SMARCA4: variants seen among roughly 807,000 people sequenced by gnomAD.
SMARCA4 encodes SWI/SNF related BAF chromatin remodeling complex subunit ATPase 4, also known as SWI/SNF-related matrix-associated actin-dependent regulator of chromatin subfamily A member 4.
SMARCA4 carries 31 observed loss-of-function variants against 193.9 expected under a neutral mutation model. The observed-to-expected ratio is 0.16, with a 90% confidence interval of 0.12 to 0.22. SMARCA4 has a LOEUF of 0.22. Ranked by LOEUF, SMARCA4 falls within the 10% of genes least tolerant of loss-of-function variation. The pLI is 1.00. For missense variants in SMARCA4, 1,148 were observed against 2,296.0 expected (o/e 0.50, Z 10.22); for synonymous variants, 942 against 933.1 (o/e 1.01, Z -0.17).
chr19:11,000,973 C>T (rs1487243918), intron 11 of SMARCA4, among the ~76,000 whole-genome samples: 2 of 151,932 alleles, frequency 1.3e-5, no homozygotes, highest in Admixed American at 1.3e-4. Context: ...CCGGCACTTG[C>T]TGCTGCTTGT....
At chr19:11,001,391 C>T (rs995848343) in intron 11 of SMARCA4, among the ~76,000 whole-genome samples, 1 of 152,118 alleles carries the variant, frequency 6.6e-6, no homozygotes, top group African/African-American at 2.4e-5. Flanking sequence ...ATCACTTGAG[C>T]CCAGGGCTTT....
Position 11,000,178 on chromosome 19 carries a change from G to A in SMARCA4, c.1813-2851G>A, listed in dbSNP as rs184911033. 2.2e-3 allele frequency among the ~76,000 whole-genome samples: 334 copies of A among 150,058 alleles called. 1 individual carries two copies. Among genetic ancestry groups the A allele is most frequent in the Non-Finnish European group, 3.5e-3 (240 of 67,618 alleles). ...AGAGGTGGAGGTTGCAGTGAGCCAG[G>A]TTCATGGCCATTGCACTCCAGCCTG... On this transcript the variant is annotated intron_variant, in intron 11 of 34. Coordinates refer to ENST00000344626, the MANE Select transcript of SMARCA4 (RefSeq NM_003072.5).
At chr19:10,968,041 G>A (rs1195984996) in intron 1 of SMARCA4, among the ~76,000 whole-genome samples, 2 of 150,350 alleles carry the variant, frequency 1.3e-5, no homozygotes, top group African/African-American at 4.9e-5. Context: ...CATGCCCTGC[G>A]GGGGTTTCAC....
chr19:11,018,883 C>A, intron 16 of SMARCA4, 74 bp from the exon 17 acceptor site: 1 of 1,264,816 alleles, frequency 7.9e-7, no homozygotes, highest in Non-Finnish European at 1.2e-6. Context: ...CCCTGACAGC[C>A]AGTGGCTATG....
chr19:11,055,353 C>T (rs1487264386), intron 30 of SMARCA4, among the ~76,000 whole-genome samples: 2 of 152,142 alleles, frequency 1.3e-5, no homozygotes, highest in Admixed American at 6.6e-5. Flanking sequence ...CCACGCCTGG[C>T]TCATTTTTGT....
intron 1 of SMARCA4, among the ~76,000 whole-genome samples, chr19:10,976,821 G>C (rs973874665): frequency 2.0e-5 from 3 of 150,512 alleles, no homozygotes; most frequent in African/African-American, 7.4e-5. Context: ...TTGGGAGGCC[G>C]AGGCAGGCGG....
At chr19:10,991,436 C>G in intron 8 of SMARCA4, 113 bp downstream of exon 8, 2 of 1,493,028 alleles carry the variant, frequency 1.3e-6, no homozygotes, top group Non-Finnish European at 1.8e-6. Context: ...GCTTGTCTCT[C>G]TCTTTTGCTC....
At position 11,002,072 on chromosome 19, in the gene SMARCA4, C is replaced by T. The variant is rs539500573; in HGVS notation, c.1813-957C>T. ...GTAAAAAAGAGGGAGAAAGTGGAAA[C>T]GTCTAAGTCCTTGTTTCTTATCCAT... On this transcript the variant is annotated intron_variant, in intron 11 of 34. Transcript: ENST00000344626. 5.3e-5 allele frequency among the ~76,000 whole-genome samples: 8 copies of T among 152,180 alleles called. No individual in the cohort carries two copies. In the South Asian group the frequency reaches 1.0e-3, roughly 20 times the overall value.
chr19:11,060,109 C>T lies in SMARCA4; in HGVS notation c.4833C>T (p.Gly1611=), dbSNP rs558890921. Residue 1611 remains glycine (G), a synonymous_variant, in exon 34 of 35, where the codon GGC becomes GGT. Transcript: ENST00000344626. ...AGAAGGCACAGGACCGGCTGAAGGG[C>T]GGCCGGCGGCGGCCGAGCCGAGGGT... ...RKEKAQDRLK[G]GRRRPSRGSR... 2.1e-5 allele frequency: 33 copies of T among 1,550,866 alleles called. No individual in the cohort carries two copies. The highest frequency in any genetic ancestry group is 1.2e-4 in the East Asian group (5 of 40,930).
Position 10,985,433 on chromosome 19 carries a change from G to T in SMARCA4, c.355+28G>T, listed in dbSNP as rs1248231391. 1.2e-6 allele frequency: 2 copies of T among 1,612,422 alleles called. No homozygotes were observed. Among genetic ancestry groups the T allele is most frequent in the Non-Finnish European group, 1.7e-6 (2 of 1,179,556 alleles). On this transcript the variant is annotated intron_variant, in intron 3 of 34. Coordinates refer to ENST00000344626, the MANE Select transcript of SMARCA4 (RefSeq NM_003072.5). The surrounding 1 kb of genome is among the most constrained non-coding windows in gnomAD (Gnocchi z 4.5). ...ACAGAACTGCGTTCCTTCCTGCCTT[G>T]TGTTTGTCATACTCCAGAGTCCTCA...
At chr19:11,032,353 G>A (rs1183404016) in intron 25 of SMARCA4, 1 of 152,266 alleles carries the variant, frequency 6.6e-6, no homozygotes, top group Non-Finnish European at 1.5e-5. Flanking sequence ...TCCTCGTACT[G>A]TGCTGGGGTG....
At chr19:10,982,715 A>G (rs939672324) in intron 1 of SMARCA4, among the ~76,000 whole-genome samples, 4 of 152,102 alleles carry the variant, frequency 2.6e-5, no homozygotes, top group Admixed American at 2.6e-4. Flanking sequence ...CATGTTACCC[A>G]GGATGGTCTC....
rs376105976 is a variant in SMARCA4 at position 11,045,767 on chromosome 19, T to A, written c.4424+4207T>A. Among the ~76,000 whole-genome samples the A allele has an allele frequency of 1.1e-4, 17 of 152,274 alleles. No homozygotes were observed. The East Asian group carries it at 3.1e-3, about 28-fold the overall frequency. On this transcript the variant is annotated intron_variant, in intron 30 of 34. Coordinates refer to ENST00000344626, the MANE Select transcript of SMARCA4 (RefSeq NM_003072.5). ...AGTCAGTCTTGTAGCCTTTGTAAGA[T>A]TTGATGATAAATCATACAATAAATT...
intron 1 of SMARCA4, among the ~76,000 whole-genome samples, chr19:10,963,386 A>AG (rs1555738517): frequency 6.3e-4 from 95 of 151,422 alleles, no homozygotes; most frequent in African/African-American, 2.2e-3. Flanking sequence ...AAAAAAAAAA[A>AG]AAAAAGAAAA....
At chr19:11,060,895 C>T (rs1256183928) in intron 34 of SMARCA4, among the ~76,000 whole-genome samples, 3 of 152,170 alleles carry the variant, frequency 2.0e-5, no homozygotes. Flanking sequence ...ACGCACGTGA[C>T]GTTTGAGGAC....
chr19:11,033,149 TGCG>T lies in SMARCA4; in HGVS notation c.3547-135_3547-133del, dbSNP rs2075045100. 5.6e-6 allele frequency: 4 copies of T among 717,136 alleles called. No homozygotes were observed. In the East Asian group the frequency reaches 1.1e-4, roughly 19 times the overall value. The allele number at this position is 717,136 out of a possible 1,614,324, so 44.4% of individuals were successfully genotyped here. A position where few individuals can be genotyped will look rare whatever the true frequency, so the allele number is the denominator to read the frequency against. ...CCAGGCTCCACCAGCTCTGTTTTCA[TGCG>T]GCGGCAGGTCAGGCTGGGCAGAATT... On this transcript the variant is annotated intron_variant, in intron 25 of 34. Coordinates refer to ENST00000344626, the MANE Select transcript of SMARCA4 (RefSeq NM_003072.5). This position sits in a 1 kb window ranked among gnomAD's most constrained non-coding sequence, Gnocchi z 9.8.
Position 10,986,441 on chromosome 19 carries a change from C to A in SMARCA4, c.608C>A (p.Ala203Glu), listed in dbSNP as rs780497718. The A allele has an allele frequency of 6.4e-7, 1 of 1,567,404 alleles. No individual in the cohort carries two copies. Among genetic ancestry groups the A allele is most frequent in the Admixed American group, 1.9e-5 (1 of 52,506 alleles). The change falls in exon 4 of 35, where the codon GCG becomes GAG. Residue 203 changes from alanine (A) to glutamate (E), a missense_variant. Ala to Glu is a moderately radical substitution (Grantham distance 107). This residue lies in a region of SMARCA4 where 257 missense variants were observed against 276.5 expected (regional missense o/e 0.93). Coordinates refer to ENST00000344626, the MANE Select transcript of SMARCA4 (RefSeq NM_003072.5). This position sits in a 1 kb window ranked among gnomAD's most constrained non-coding sequence, Gnocchi z 6.7. Reference protein sequence around the residue: ...GQPLPDHLQMAVQGKRPMPGM... With the variant: ...GQPLPDHLQMEVQGKRPMPGM... Reference sequence around the variant, plus strand: ...CCCCTCCCCGACCACCTGCAGATGGCGGTGCAGGGCAAGCGGCCGATGCCC... The same window carrying A: ...CCCCTCCCCGACCACCTGCAGATGGAGGTGCAGGGCAAGCGGCCGATGCCC...
At chr19:10,976,757 A>T (rs1173320904) in intron 1 of SMARCA4, among the ~76,000 whole-genome samples, 1 of 150,292 alleles carries the variant, frequency 6.7e-6, no homozygotes, top group Non-Finnish European at 1.5e-5. Context: ...CTGTCTCAAA[A>T]AAAAAAAAAA....
At chr19:10,990,410 C>G (rs2086455568) in intron 7 of SMARCA4, among the ~76,000 whole-genome samples, 1 of 152,122 alleles carries the variant, frequency 6.6e-6, no homozygotes, top group South Asian at 2.1e-4. Flanking sequence ...TCCTGAGTAG[C>G]TGGGATTACA....
Sources: gnomAD v4.1 joint callset for allele counts (sites outside exome capture counted in the v4.1 genomes callset) on GRCh38, gnomAD v4.1.1 for gene constraint, gnomAD v4.1.1 regional missense constraint, Gnocchi (gnomAD v3.1) non-coding constraint, MANE v1.5 for transcripts, NCBI Gene and HGNC (gene_info 2026-07-23, HGNC 2026-07-21) for gene names.